MX2: variants seen among roughly 807,000 people sequenced by gnomAD.
The protein encoded by MX2 is interferon-induced GTP-binding protein Mx2.
MX2 carries 51 observed loss-of-function variants against 74.0 expected under a neutral mutation model. The observed-to-expected ratio is 0.69, with a 90% CI of 0.55 to 0.87. The LOEUF (loss-of-function observed/expected upper bound fraction) is 0.87, where lower values mean the gene tolerates loss of function less well. MX2 is among the 40% of genes least tolerant of loss of function. The probability of loss-of-function intolerance (pLI) is 0.00; values close to 1 mark genes in which losing one functional copy is unlikely to be tolerated. For synonymous variants in MX2, 369 were observed against 339.3 expected (o/e 1.09, Z -0.96); for missense variants, 832 against 908.7 (o/e 0.92, Z 1.09).
chr21:41,402,965 G>C lies in MX2; in HGVS notation c.1574-302G>C, dbSNP rs377206065. On this transcript the variant is annotated intron_variant, in intron 11 of 13. Transcript: ENST00000330714. The surrounding 1 kb of genome is among the most constrained non-coding windows in gnomAD (Gnocchi z 4.5). ...TCACTGCACACCTCCTGCCGGACAC[G>C]GACTGGAACTGGTCCAGCCTGGGAG... 2 of 334,492 alleles carry C rather than the reference G, an allele frequency of 6.0e-6. No individual in the cohort carries two copies. The highest frequency in any genetic ancestry group is 1.2e-5 in the Non-Finnish European group (2 of 172,974). 20.7% of individuals were successfully genotyped at this position (334,492 alleles called of 1,614,324 possible). A position where few individuals can be genotyped will look rare whatever the true frequency, so the allele number is the denominator to read the frequency against.
rs746005401 is a variant in MX2, at chr21:41,380,184, G to A, written c.577+33G>A. 4 of 1,612,356 alleles carry A rather than the reference G, an allele frequency of 2.5e-6. No individual in the cohort carries two copies. The highest frequency in any genetic ancestry group is 3.4e-6 in the Non-Finnish European group (4 of 1,178,942). On this transcript the variant is annotated intron_variant, in intron 4 of 13. Coordinates refer to ENST00000330714, the MANE Select transcript of MX2 (RefSeq NM_002463.2). The surrounding 1 kb of genome is among the most constrained non-coding windows in gnomAD (Gnocchi z 4.3). ...CACGTCATTCTGAGGTTCGGATCTG[G>A]CAGCCGCTCCTCTCACTTCCTCGGT...
chr21:41,371,760 C>T (rs2089328143), intron 1 of MX2, among the ~76,000 whole-genome samples: 1 of 152,102 alleles, frequency 6.6e-6, no homozygotes, highest in Non-Finnish European at 1.5e-5. Flanking sequence ...CCTTAAGGAG[C>T]TGAGGCAGAT....
rs2145918737 is a variant in MX2, at chr21:41,388,523, T to G, written c.733-2042T>G. Reference sequence around the variant, plus strand: ...TGTTCCCCGTGCCTGGCTCTTTCAATTCCACTTGCCCTCCCTGATATGTCT... The same window carrying G: ...TGTTCCCCGTGCCTGGCTCTTTCAAGTCCACTTGCCCTCCCTGATATGTCT... On this transcript the variant is annotated intron_variant, in intron 5 of 13. Transcript: ENST00000330714. This position sits in a 1 kb window ranked among gnomAD's most constrained non-coding sequence, Gnocchi z 4.0. Among the ~76,000 whole-genome samples, 1 of 152,300 alleles carries G rather than the reference T, an allele frequency of 6.6e-6. No individual in the cohort carries two copies. The highest frequency in any genetic ancestry group is 2.4e-5 in the African/African-American group (1 of 41,576).
Position 41,377,123 on chromosome 21 carries a change from C to G in MX2, c.217C>G (p.Pro73Ala), listed in dbSNP as rs142768122. ...FNFLTLNNQP[P>A]PGNRSQPRAM... ...CTTTCTCACTTTGAACAATCAGCCA[C>G]CACCAGGAAACAGGAGCCAACCAAG... Residue 73 changes from proline (P) to alanine (A), a missense_variant, in exon 2 of 14, where the codon CCA becomes GCA. Transcript: ENST00000330714. 570 of 1,614,206 alleles carry G rather than the reference C, an allele frequency of 3.5e-4. No individual in the cohort carries two copies. In the African/African-American group the frequency reaches 6.9e-3, roughly 20 times the overall value.
In MX2 at chr21:41,391,804, A is replaced by C. The variant is rs555578818; in HGVS notation, c.871+1101A>C. On this transcript the variant is annotated intron_variant, in intron 6 of 13. Coordinates refer to ENST00000330714, the MANE Select transcript of MX2 (RefSeq NM_002463.2). The stretch of plus-strand genomic sequence containing the variant: ...TTTTCTTTTTCTTTTTTTTTTTTTT[A>C]ACTTGGGATATTTTATTTTATTGTT... Among the ~76,000 whole-genome samples the C allele has an allele frequency of 1.7e-3, 245 of 142,090 alleles. 2 individuals carry two copies. Among genetic ancestry groups the C allele is most frequent in the African/African-American group, 6.4e-3 (235 of 36,988 alleles). The allele number at this position is 142,090 out of a possible 152,430, so 93.2% of individuals were successfully genotyped here.
At chr21:41,379,091 G>T (rs902520160) in intron 3 of MX2, among the ~76,000 whole-genome samples, 1 of 152,234 alleles carries the variant, frequency 6.6e-6, no homozygotes. Context: ...GCCACCTGCA[G>T]CCTGGTCCTT....
rs1472071837 is a variant in MX2, at chr21:41,377,994, G to T, written c.442+13G>T. ...CCCAGAGGCAGCGGTAAGTTCAACG[G>T]ACCACCTTCCCTCCGCAGCAAGCAG... On this transcript the variant is annotated intron_variant, in intron 3 of 13. Transcript: ENST00000330714. 1.9e-6 allele frequency: 3 copies of T among 1,608,578 alleles called. No homozygotes were observed. Among genetic ancestry groups the T allele is most frequent in the Non-Finnish European group, 2.6e-6 (3 of 1,175,638 alleles).
chr21:41,379,267 G>A (rs1006808614), intron 3 of MX2, among the ~76,000 whole-genome samples: 8 of 152,172 alleles, frequency 5.3e-5, no homozygotes, highest in Non-Finnish European at 8.8e-5. Flanking sequence ...GACCCTGGGC[G>A]AGTCCCATAG....
rs570506595 is a variant in MX2, at chr21:41,380,895, G to A, written c.577+744G>A. Among the ~76,000 whole-genome samples the A allele has an allele frequency of 3.8e-4, 58 of 152,294 alleles. No homozygotes were observed. Among genetic ancestry groups the A allele is most frequent in the African/African-American group, 1.3e-3 (55 of 41,566 alleles). On this transcript the variant is annotated intron_variant, in intron 4 of 13. Transcript: ENST00000330714. This position sits in a 1 kb window ranked among gnomAD's most constrained non-coding sequence, Gnocchi z 4.3. ...CTCCCCTATCCTGCCTGCACAGCCT[G>A]TCCTGGACTCAGCCAGGATAGATGG...
Position 41,402,003 on chromosome 21 carries a change from A to G in MX2, c.1448A>G (p.Tyr483Cys). Residue 483 changes from tyrosine to cysteine, a missense_variant, in exon 11 of 14, where the codon TAT (tyrosine) becomes TGT (cysteine). Tyr to Cys is a radical substitution (Grantham distance 194, BLOSUM62 -2). Transcript: ENST00000330714. This position sits in a 1 kb window ranked among gnomAD's most constrained non-coding sequence, Gnocchi z 4.5. Reference sequence around the variant, plus strand: ...ATTATCCACGAAGAAGTTGAAAAATATGAAAAGCAGTATCGAGGCAAGGAG... The same window carrying G: ...ATTATCCACGAAGAAGTTGAAAAATGTGAAAAGCAGTATCGAGGCAAGGAG... ...KNIIHEEVEK[Y>C]EKQYRGKELL... is the part of the protein sequence containing the mutation. 1 of 1,613,822 alleles carries G rather than the reference A, an allele frequency of 6.2e-7. No individual in the cohort carries two copies. The highest frequency in any genetic ancestry group is 8.5e-7 in the Non-Finnish European group (1 of 1,179,946).
chr21:41,404,873 C>CAAAAAAAAAAAAAAAAA (rs547207365), intron 12 of MX2: 57 of 68,650 alleles, frequency 8.3e-4, no homozygotes, highest in Middle Eastern at 7.5e-3. Flanking sequence ...CACATATACT[C>CAAAAAAAAAAAAAAAAA]AAAAAAAAAA....
Position 41,402,947 on chromosome 21 carries a change from A to G in MX2, c.1574-320A>G. 9.5e-6 allele frequency: 3 copies of G among 315,346 alleles called. No individual in the cohort carries two copies. The South Asian group carries it at 9.7e-5, about 10-fold the overall frequency. The allele number at this position is 315,346 out of a possible 1,614,324, so 19.5% of individuals were successfully genotyped here. On this transcript the variant is annotated intron_variant, in intron 11 of 13. Coordinates refer to ENST00000330714, the MANE Select transcript of MX2 (RefSeq NM_002463.2). The surrounding 1 kb of genome is among the most constrained non-coding windows in gnomAD (Gnocchi z 4.5). Reference sequence around the variant, plus strand: ...GCAGCAGTGCTCACTAGCTCACTGCACACCTCCTGCCGGACACGGACTGGA... The same window carrying G: ...GCAGCAGTGCTCACTAGCTCACTGCGCACCTCCTGCCGGACACGGACTGGA...
chr21:41,408,005 T>A lies in MX2; in HGVS notation c.1920T>A (p.Arg640=). The change falls in exon 14 of 14, where the codon CGT becomes CGA. Residue 640 remains arginine (R), a synonymous_variant. Coordinates refer to ENST00000330714, the MANE Select transcript of MX2 (RefSeq NM_002463.2). ...CCCTCTTCCAGGAAACCAGCAAACG[T>A]CTCGCCAACCAGATCCCATTTATAA... is the stretch of plus-strand genomic sequence containing the variant. ...LNAYFLETSK[R]LANQIPFIIQ... 6.2e-7 allele frequency: 1 copy of A among 1,614,080 alleles called. No homozygotes were observed. The highest frequency in any genetic ancestry group is 8.5e-7 in the Non-Finnish European group (1 of 1,180,016).
chr21:41,364,407 C>T (rs1167202748), intron 1 of MX2: 1 of 152,344 alleles, frequency 6.6e-6, no homozygotes. Flanking sequence ...CTCTCAGGCT[C>T]CTGAGGACCC....
intron 5 of MX2, chr21:41,390,359 T>G: frequency 1.7e-6 from 1 of 603,362 alleles, no homozygotes; most frequent in Non-Finnish European, 2.9e-6. Flanking sequence ...AGCCGTGGGC[T>G]TTGAAGGACA....
Position 41,395,798 on chromosome 21 carries a change from A to G in MX2, c.1070+13A>G. ...ATCCATATTTCAGGTGAGACTCTTC[A>G]GGAAAGCTCTGGAATTAGACTCCAT... On this transcript the variant is annotated intron_variant, in intron 7 of 13. Coordinates refer to ENST00000330714, the MANE Select transcript of MX2 (RefSeq NM_002463.2). 1 of 1,613,608 alleles carries G rather than the reference A, an allele frequency of 6.2e-7. No individual in the cohort carries two copies. The highest frequency in any genetic ancestry group is 8.5e-7 in the Non-Finnish European group (1 of 1,179,746).
At chr21:41,382,593 C>T in intron 5 of MX2, 29 bp downstream of exon 5, 2 of 1,613,586 alleles carry the variant, frequency 1.2e-6, no homozygotes, top group East Asian at 2.2e-5. Flanking sequence ...TGGGATTGGG[C>T]TCTGCTGAAG....
chr21:41,399,453 A>C, intron 10 of MX2, 116 bp downstream of exon 10: 1 of 1,149,520 alleles, frequency 8.7e-7, no homozygotes, highest in Non-Finnish European at 1.2e-6. Context: ...AGACCGTGGA[A>C]CCCTTGGTAA....
rs2089267749 is a variant in MX2 at position 41,366,614 on chromosome 21, G to A, written c.-72+4559G>A. 6.6e-6 allele frequency: 1 copy of A among 152,352 alleles called. No homozygotes were observed. The highest frequency in any genetic ancestry group is 1.5e-5 in the Non-Finnish European group (1 of 68,064). The allele number at this position is 152,352 out of a possible 1,614,324, so 9.4% of individuals were successfully genotyped here. ...CTCAGATGCTTTGGGTCCTGCCATTGAAAGGGAAGAAGAGAAGTCCCTTCC... is the reference window on the plus strand; with the variant it reads ...CTCAGATGCTTTGGGTCCTGCCATTAAAAGGGAAGAAGAGAAGTCCCTTCC... On this transcript the variant is annotated intron_variant, in intron 1 of 13. Transcript: ENST00000330714. This position sits in a 1 kb window ranked among gnomAD's most constrained non-coding sequence, Gnocchi z 4.5.
Sources: gnomAD v4.1 joint callset for allele counts (sites outside exome capture counted in the v4.1 genomes callset) on GRCh38, gnomAD v4.1.1 for gene constraint, Gnocchi (gnomAD v3.1) non-coding constraint, MANE v1.5 for transcripts, NCBI Gene and HGNC (gene_info 2026-07-23, HGNC 2026-07-21) for gene names.